GABRR2: variants seen among roughly 807,000 people sequenced by gnomAD.
GABRR2 encodes gamma-aminobutyric acid type A receptor subunit rho2.
GABRR2 carries 36 observed loss-of-function variants against 47.0 expected under a neutral mutation model. That is an observed-to-expected ratio of 0.77 (90% CI 0.59 to 1.01). GABRR2 has a LOEUF of 1.01. Ranked by LOEUF, GABRR2 falls within the 50% of genes least tolerant of loss-of-function variation. GABRR2 has a pLI of 0.00. For synonymous variants in GABRR2, 204 were observed against 227.5 expected, an observed-to-expected ratio of 0.90 and a Z score of 0.93; for missense variants, 587 against 594.6, an observed-to-expected ratio of 0.99 and a Z score of 0.13.
chr6:89,313,197 G>A (rs1422800778), intron 1 of GABRR2, among the ~76,000 whole-genome samples: 1 of 152,228 alleles, frequency 6.6e-6, no homozygotes, highest in South Asian at 2.1e-4. Context: ...TGTCAAATGA[G>A]TTGACTTGGA....
rs1177713832 is a variant in GABRR2, at chr6:89,256,053, G to T, written c.*1617C>A. Among the ~76,000 whole-genome samples, 1 of 151,250 alleles carries T rather than the reference G, an allele frequency of 6.6e-6. No homozygotes were observed. Among genetic ancestry groups the T allele is most frequent in the Non-Finnish European group, 1.5e-5 (1 of 67,878 alleles). On this transcript the variant is annotated 3_prime_UTR_variant, in exon 9 of 9. Transcript: ENST00000402938. ...AGCCTCCTGAGTAGCTAGAACCCCA[G>T]GCACACACCACCACACCTGGCTAAT... is the stretch of plus-strand genomic sequence containing the variant.
intron 3 of GABRR2, 21 bp downstream of exon 3, chr6:89,271,634 T>C (rs1352086051): frequency 6.2e-7 from 1 of 1,603,384 alleles, no homozygotes; most frequent in Admixed American, 1.7e-5. Context: ...TCACGCTGTG[T>C]CACTGGAGGC....
At chr6:89,265,045 C>T (rs542696028) in intron 7 of GABRR2, among the ~76,000 whole-genome samples, 187 of 152,252 alleles carry the variant, frequency 1.2e-3, no homozygotes, top group Middle Eastern at 6.8e-3. Context: ...GCCCATCATG[C>T]GGGATTCTTC....
Position 89,257,700 on chromosome 6 carries a change from G to GA in GABRR2, c.1367dup (p.Asn457GlnfsTer36). Reference sequence around the variant, plus strand: ...AAAACACTGACCAATAAATTAAGTTGAAAAATATGTAGGAGGCAGGGAATA... The same window carrying GA: ...AAAACACTGACCAATAAATTAAGTTGAAAAAATATGTAGGAGGCAGGGAATA... On this transcript the variant is annotated frameshift_variant, in exon 9 of 9. Transcript: ENST00000402938. LOFTEE classifies it high-confidence loss of function. 6.2e-7 allele frequency: 1 copy of GA among 1,613,348 alleles called. No individual in the cohort carries two copies. Among genetic ancestry groups the GA allele is most frequent in the Non-Finnish European group, 8.5e-7 (1 of 1,179,598 alleles).
chr6:89,284,391 G>C (rs1459435983), intron 2 of GABRR2, among the ~76,000 whole-genome samples: 7 of 152,176 alleles, frequency 4.6e-5, no homozygotes, highest in African/African-American at 1.7e-4. Flanking sequence ...GTGTGTGGTT[G>C]GATGGCAAAG....
intron 2 of GABRR2, among the ~76,000 whole-genome samples, chr6:89,287,238 G>C (rs1774348783): frequency 6.6e-6 from 1 of 152,192 alleles, no homozygotes; most frequent in African/African-American, 2.4e-5. Context: ...GGGGCACGAG[G>C]GTCTCTGCTC....
intron 2 of GABRR2, among the ~76,000 whole-genome samples, chr6:89,280,163 C>T (rs557834980): frequency 1.4e-5 from 2 of 145,134 alleles, no homozygotes; most frequent in African/African-American, 2.6e-5. Flanking sequence ...GAGCCAAGAT[C>T]GTGCCACTAT....
intron 2 of GABRR2, among the ~76,000 whole-genome samples, chr6:89,288,216 G>A (rs1217009746): frequency 6.6e-6 from 1 of 151,926 alleles, no homozygotes; most frequent in Admixed American, 6.6e-5. Context: ...GGAGATCACA[G>A]AGAAACCAGA....
At chr6:89,287,465 C>T (rs1016494208) in intron 2 of GABRR2, among the ~76,000 whole-genome samples, 1 of 152,228 alleles carries the variant, frequency 6.6e-6, no homozygotes, top group Non-Finnish European at 1.5e-5. Context: ...AGGCACAGGC[C>T]CACTGGCTCC....
In GABRR2 at chr6:89,299,846, G is replaced by C; in HGVS notation, c.133C>G (p.Leu45Val). 6.2e-7 allele frequency: 1 copy of C among 1,612,906 alleles called. No individual in the cohort carries two copies. The highest frequency in any genetic ancestry group is 1.1e-5 in the South Asian group (1 of 91,064). The part of the protein sequence containing the change: ...PKPSHLYKKN[L>V]DVTKIRKGKP... The stretch of plus-strand genomic sequence containing the variant: ...CCCTTCCGGATCTTGGTCACATCAA[G>C]GTTCTTCTTATATAAGTGACTGTGA... Residue 45 changes from leucine (L) to valine (V), a missense_variant, in exon 2 of 9, where the codon CTT (leucine) becomes GTT (valine). Coordinates refer to ENST00000402938, the MANE Select transcript of GABRR2 (RefSeq NM_002043.5).
At chr6:89,303,319 T>C (rs948910299) in intron 1 of GABRR2, among the ~76,000 whole-genome samples, 1 of 152,216 alleles carries the variant, frequency 6.6e-6, no homozygotes, top group African/African-American at 2.4e-5. Context: ...CCTGTCTCTG[T>C]CTTATTGCAG....
At chr6:89,303,640 TAAG>T (rs1332636124) in intron 1 of GABRR2, among the ~76,000 whole-genome samples, 1 of 111,858 alleles carries the variant, frequency 8.9e-6, no homozygotes, top group Non-Finnish European at 1.8e-5. Context: ...AAAGCAATCT[TAAG>T]GAGGAAAAAA....
intron 2 of GABRR2, among the ~76,000 whole-genome samples, chr6:89,283,491 G>C (rs989031716): frequency 6.6e-6 from 1 of 152,038 alleles, no homozygotes; most frequent in Non-Finnish European, 1.5e-5. Context: ...AGATTCCCAA[G>C]ATATAGTGCT....
chr6:89,283,194 A>ATTT lies in GABRR2; in HGVS notation c.221-11475_221-11473dup, dbSNP rs56937794. The stretch of plus-strand genomic sequence containing the variant: ...TTGCACATTTTTCTATTGGATTTTA[A>ATTT]TTTTTTTTTTTGCTTGTTGTAAGGA... On this transcript the variant is annotated intron_variant, in intron 2 of 8. Transcript: ENST00000402938. 7.0e-3 allele frequency among the ~76,000 whole-genome samples: 1,047 copies of ATTT among 149,458 alleles called. 4 individuals carry two copies. The highest frequency in any genetic ancestry group is 0.011 in the Non-Finnish European group (729 of 67,336).
chr6:89,272,214 C>T (rs1774069171), intron 2 of GABRR2, among the ~76,000 whole-genome samples: 1 of 152,210 alleles, frequency 6.6e-6, no homozygotes, highest in East Asian at 1.9e-4. Context: ...GGGGTCCAGC[C>T]CTCTAGAGGC....
Position 89,303,416 on chromosome 6 carries a change from T to TA in GABRR2, c.114-3552dup, listed in dbSNP as rs34549236. 6.5e-4 allele frequency among the ~76,000 whole-genome samples: 96 copies of TA among 147,310 alleles called. No homozygotes were observed. In the South Asian group the frequency reaches 6.8e-3, roughly 10 times the overall value. On this transcript the variant is annotated intron_variant, in intron 1 of 8. Transcript: ENST00000402938. ...ACTTAATAAATCTATTGCTGTCAGA[T>TA]AAAAAAAAAAAGAAATCAGAGATGA...
chr6:89,307,414 C>A lies in GABRR2; in HGVS notation c.114-7549G>T, dbSNP rs985810293. ...CTCAAACTTAGCTACAGATTATAAT[C>A]ACCTGGGGAGATATTAAAACCAATG... On this transcript the variant is annotated intron_variant, in intron 1 of 8. Transcript: ENST00000402938. 7.2e-5 allele frequency among the ~76,000 whole-genome samples: 11 copies of A among 152,214 alleles called. 1 individual carries two copies. The South Asian group carries it at 8.3e-4, about 11-fold the overall frequency.
intron 1 of GABRR2, chr6:89,303,184 C>A (rs182314379): frequency 7.6e-5 from 30 of 393,178 alleles, no homozygotes; most frequent in Admixed American, 5.7e-4. Context: ...ACCTCCAGAG[C>A]CATCTTGCTG....
chr6:89,304,147 C>T (rs1483231989), intron 1 of GABRR2, among the ~76,000 whole-genome samples: 2 of 152,090 alleles, frequency 1.3e-5, no homozygotes, highest in African/African-American at 4.8e-5. Flanking sequence ...AAAAAAGTAT[C>T]AACATAGTAA....
Sources: gnomAD v4.1 joint callset for allele counts (sites outside exome capture counted in the v4.1 genomes callset) on GRCh38, gnomAD v4.1.1 for gene constraint, MANE v1.5 for transcripts, NCBI Gene and HGNC (gene_info 2026-07-23, HGNC 2026-07-21) for gene names.